The following RPS6KA2 variants were observed in gnomAD, a reference collection of about 807,000 sequenced individuals.
The protein encoded by RPS6KA2 is ribosomal protein S6 kinase A2, also known as ribosomal protein S6 kinase alpha-2.
A neutral mutation model predicts 91.8 loss-of-function variants in RPS6KA2; 42 were observed. The observed-to-expected ratio is 0.46, with a 90% CI of 0.36 to 0.59. The LOEUF (loss-of-function observed/expected upper bound fraction) is 0.59. RPS6KA2 is among the 20% of genes least tolerant of loss of function. The pLI, the probability that RPS6KA2 is intolerant of heterozygous loss-of-function variation, is 0.00. For synonymous variants in RPS6KA2, 414 were observed against 393.6 expected, an observed-to-expected ratio of 1.05 and a Z score of -0.61; for missense variants, 798 against 978.5, an observed-to-expected ratio of 0.82 and a Z score of 2.46.
chr6:166,807,620 C>G (rs111658813), intron 2 of RPS6KA2, among the ~76,000 whole-genome samples: 1,829 of 152,028 alleles, frequency 0.012, 46 homozygotes, highest in African/African-American at 0.041. Context: ...GCTACACCAC[C>G]TGGCCTGGTG....
At chr6:166,706,076 G>A (rs1400819569) in intron 2 of RPS6KA2, among the ~76,000 whole-genome samples, 1 of 152,154 alleles carries the variant, frequency 6.6e-6, no homozygotes, top group Non-Finnish European at 1.5e-5. Context: ...CCTCGATCTT[G>A]GACTTCCAGC....
intron 12 of RPS6KA2, among the ~76,000 whole-genome samples, chr6:166,455,705 C>T (rs1004348807): frequency 2.6e-5 from 4 of 152,220 alleles, no homozygotes; most frequent in East Asian, 1.9e-4. Context: ...TCGCGGCACA[C>T]GGAGCCGCTC....
chr6:166,575,894 G>A (rs1452289731), intron 1 of RPS6KA2, among the ~76,000 whole-genome samples: 1 of 152,150 alleles, frequency 6.6e-6, no homozygotes, highest in Non-Finnish European at 1.5e-5. Flanking sequence ...CCCAAATAAA[G>A]CAAAATAGGT....
intron 2 of RPS6KA2, among the ~76,000 whole-genome samples, chr6:166,712,385 T>G (rs1054418678): frequency 2.0e-5 from 3 of 152,242 alleles, no homozygotes; most frequent in Non-Finnish European, 4.4e-5. Flanking sequence ...GATGGTTTTT[T>G]TCTTGACATT....
chr6:166,477,363 C>G (rs555613779), intron 10 of RPS6KA2, among the ~76,000 whole-genome samples: 1 of 152,298 alleles, frequency 6.6e-6, no homozygotes, highest in South Asian at 2.1e-4. Context: ...ATACTCATCT[C>G]TACACCTAGG....
At chr6:166,707,422 A>G (rs1476680655) in intron 2 of RPS6KA2, among the ~76,000 whole-genome samples, 1 of 152,246 alleles carries the variant, frequency 6.6e-6, no homozygotes. Context: ...ATTCATTACA[A>G]AGGTAAATAG....
rs747258086 is a variant in RPS6KA2, at chr6:166,498,639, T to A, written c.616A>T (p.Ser206Cys). The A allele has an allele frequency of 3.7e-6, 6 of 1,613,312 alleles. No homozygotes were observed. The highest frequency in any genetic ancestry group is 5.1e-6 in the Non-Finnish European group (6 of 1,179,810). ...GHIKITDFGL[S>C]KEAIDHDKRA... ...TTGTCGTGGTCAATGGCCTCCTTAC[T>A]CAGGCCGAAATCTACATGCAAACAC... Residue 206 changes from serine (S) to cysteine (C), a missense_variant, in exon 8 of 21, where the codon AGT becomes TGT. Coordinates refer to ENST00000265678, the MANE Select transcript of RPS6KA2 (RefSeq NM_021135.6).
chr6:166,506,611 G>A lies in RPS6KA2; in HGVS notation c.459+1592C>T, dbSNP rs953737503. 3.9e-5 allele frequency among the ~76,000 whole-genome samples: 6 copies of A among 152,280 alleles called. No individual in the cohort carries two copies. In the South Asian group the frequency reaches 8.3e-4, roughly 21 times the overall value. On this transcript the variant is annotated intron_variant, in intron 5 of 20. Coordinates refer to ENST00000265678, the MANE Select transcript of RPS6KA2 (RefSeq NM_021135.6). ...GCCCACTGTTTTTCCTCCATGCAAG[G>A]AGCCCCACAGAAACGTGCACCACTG...
chr6:166,471,668 G>A (rs572137432), intron 10 of RPS6KA2, among the ~76,000 whole-genome samples: 1 of 152,390 alleles, frequency 6.6e-6, no homozygotes, highest in South Asian at 2.1e-4. Context: ...CACAATTGCT[G>A]TTCCCATTTT....
intron 2 of RPS6KA2, among the ~76,000 whole-genome samples, chr6:166,829,508 G>A (rs1011640534): frequency 6.7e-6 from 1 of 149,140 alleles, no homozygotes; most frequent in Non-Finnish European, 1.5e-5. Context: ...GGAGAATGGC[G>A]TGAACCTGGA....
intron 2 of RPS6KA2, among the ~76,000 whole-genome samples, chr6:166,806,921 G>A (rs1779507181): frequency 6.6e-6 from 1 of 152,142 alleles, no homozygotes; most frequent in African/African-American, 2.4e-5. Flanking sequence ...TGCTATTAAT[G>A]TCATGATGGT....
At chr6:166,641,751 A>AAAAAAAAAAAAAAT in intron 2 of RPS6KA2, among the ~76,000 whole-genome samples, 1 of 139,754 alleles carries the variant, frequency 7.2e-6, no homozygotes. Flanking sequence ...AAAAAAAAAA[A>AAAAAAAAAAAAAAT]AAAAAAAAAA....
rs1274231940 is a variant in RPS6KA2, at chr6:166,410,172, C to T, written c.*2590G>A. 1 of 67,296 alleles carries T rather than the reference C, an allele frequency of 1.5e-5. No individual in the cohort carries two copies. The highest frequency in any genetic ancestry group is 6.0e-5 in the African/African-American group (1 of 16,580). 4.2% of individuals were successfully genotyped at this position (67,296 alleles called of 1,614,324 possible). Reference sequence around the variant, plus strand: ...TATAAGTTCTGTGATTTTCATGACCCGGGGGTGGGGGGTTGGGTTATGATG... The same window carrying T: ...TATAAGTTCTGTGATTTTCATGACCTGGGGGTGGGGGGTTGGGTTATGATG... On this transcript the variant is annotated 3_prime_UTR_variant, in exon 21 of 21. Coordinates refer to ENST00000265678, the MANE Select transcript of RPS6KA2 (RefSeq NM_021135.6).
chr6:166,676,217 T>C (rs1788615189), intron 2 of RPS6KA2, among the ~76,000 whole-genome samples: 1 of 151,470 alleles, frequency 6.6e-6, no homozygotes, highest in African/African-American at 2.4e-5. Flanking sequence ...CTCAGGAGGC[T>C]GAGGCAGGAG....
intron 1 of RPS6KA2, among the ~76,000 whole-genome samples, chr6:166,592,822 C>T (rs941563012): frequency 2.0e-5 from 3 of 152,152 alleles, no homozygotes; most frequent in Admixed American, 1.3e-4. Context: ...ATCATGCCAG[C>T]GATCTATCCT....
chr6:166,473,604 G>A (rs1251497792), intron 10 of RPS6KA2, among the ~76,000 whole-genome samples: 4 of 152,212 alleles, frequency 2.6e-5, no homozygotes, highest in Admixed American at 6.5e-5. Flanking sequence ...GATTCCCAAA[G>A]GGTTTTGGTA....
intron 3 of RPS6KA2, among the ~76,000 whole-genome samples, chr6:166,520,364 T>C (rs182649752): frequency 9.2e-5 from 14 of 152,310 alleles, no homozygotes; most frequent in Non-Finnish European, 1.9e-4. Flanking sequence ...CTGGAACTTA[T>C]GCCACCAGCT....
intron 2 of RPS6KA2, among the ~76,000 whole-genome samples, chr6:166,632,664 A>G (rs1472323602): frequency 6.6e-6 from 1 of 152,204 alleles, no homozygotes; most frequent in South Asian, 2.1e-4. Context: ...AGCTGGAGAA[A>G]ATAAAAAGAA....
intron 19 of RPS6KA2, among the ~76,000 whole-genome samples, chr6:166,417,552 G>A (rs763588814): frequency 6.6e-5 from 10 of 151,804 alleles, no homozygotes; most frequent in Non-Finnish European, 1.2e-4. Context: ...CGGCTGCCCT[G>A]CAGTCACAGA....
Sources: gnomAD v4.1 joint callset for allele counts (sites outside exome capture counted in the v4.1 genomes callset) on GRCh38, gnomAD v4.1.1 for gene constraint, MANE v1.5 for transcripts, NCBI Gene and HGNC (gene_info 2026-07-23, HGNC 2026-07-21) for gene names.